The following LOC400499 variants were observed in gnomAD, a reference collection of about 807,000 sequenced individuals.
the LOC400499 span, chr16:11,461,099 C>T: frequency 1.2e-5 from 18 of 1,535,564 alleles, no homozygotes; most frequent in Admixed American, 2.9e-4. Flanking sequence ...CGTCCATTCT[C>T]CTCCTTCCTC....
the LOC400499 span, among the ~76,000 whole-genome samples, chr16:11,490,625 C>G: frequency 1.4e-4 from 22 of 152,136 alleles, no homozygotes; most frequent in Non-Finnish European, 2.8e-4. Context: ...GGCATGAACC[C>G]GGGAGGCAGA....
chr16:11,486,473 G>T, the LOC400499 span, among the ~76,000 whole-genome samples: 6,142 of 135,368 alleles, frequency 0.045, 348 homozygotes, highest in East Asian at 0.23. Flanking sequence ...ACAGATGATG[G>T]GTGGGTAGAT....
At chr16:11,402,082 G>A in the LOC400499 span, 2 of 399,102 alleles carry the variant, frequency 5.0e-6, no homozygotes, top group African/African-American at 2.1e-5. Flanking sequence ...CCCGGTGGCT[G>A]CCTCCCAAAT....
chr16:11,485,175 G>A, the LOC400499 span: 1 of 398,006 alleles, frequency 2.5e-6, no homozygotes. Context: ...GAAGGCTTGA[G>A]CACGGCACTC....
the LOC400499 span, chr16:11,417,927 G>T: frequency 1.0e-2 from 3,967 of 397,942 alleles, 119 homozygotes; most frequent in African/African-American, 0.066. Context: ...CAAACCCTGG[G>T]GTTATCAGTG....
chr16:11,395,620 C>A, the LOC400499 span, among the ~76,000 whole-genome samples: 1 of 152,236 alleles, frequency 6.6e-6, no homozygotes, highest in Non-Finnish European at 1.5e-5. Context: ...GAACTCCCCT[C>A]TCACAAGCAC....
the LOC400499 span, among the ~76,000 whole-genome samples, chr16:11,474,215 T>C: frequency 1.3e-5 from 2 of 152,200 alleles, no homozygotes; most frequent in African/African-American, 2.4e-5. Flanking sequence ...TACTCAGCTC[T>C]GCTGTTGTGG....
the LOC400499 span, chr16:11,396,617 C>T: frequency 1.1e-5 from 14 of 1,232,004 alleles, no homozygotes; most frequent in African/African-American, 4.7e-5. Context: ...CAGGTGGCAG[C>T]GGGAACGCAG....
the LOC400499 span, among the ~76,000 whole-genome samples, chr16:11,502,617 C>CTTT: frequency 1.4e-5 from 2 of 143,186 alleles, no homozygotes; most frequent in African/African-American, 2.6e-5. Flanking sequence ...TATACATACT[C>CTTT]TTTTTTTTTT....
At chr16:11,448,823 A>T in the LOC400499 span, 2 of 1,073,554 alleles carry the variant, frequency 1.9e-6, no homozygotes, top group Non-Finnish European at 2.5e-6. Context: ...AGCCAGTAGC[A>T]CAAAGCCCTT....
chr16:11,476,849 C>G, the LOC400499 span: 1 of 399,552 alleles, frequency 2.5e-6, no homozygotes, highest in Non-Finnish European at 4.4e-6. Context: ...ATCCCGCCAT[C>G]CAGGCTGGCG....
the LOC400499 span, among the ~76,000 whole-genome samples, chr16:11,468,893 C>T: frequency 6.6e-6 from 1 of 152,224 alleles, no homozygotes; most frequent in East Asian, 1.9e-4. Flanking sequence ...TCCCAAAATG[C>T]TGGGATTACA....
chr16:11,405,284 C>T, the LOC400499 span, among the ~76,000 whole-genome samples: 3 of 152,296 alleles, frequency 2.0e-5, no homozygotes, highest in South Asian at 2.1e-4. Context: ...GTTGGTATTG[C>T]GGTTTCTCAA....
At chr16:11,453,324 G>C in the LOC400499 span, among the ~76,000 whole-genome samples, 1 of 152,084 alleles carries the variant, frequency 6.6e-6, no homozygotes, top group African/African-American at 2.4e-5. Context: ...TAATTACCCT[G>C]TTTGAAAACA....
At chr16:11,478,678 C>T in the LOC400499 span, 3 of 399,064 alleles carry the variant, frequency 7.5e-6, no homozygotes, top group Non-Finnish European at 8.8e-6. Flanking sequence ...CCCACGCCTC[C>T]GGGTCACCTG....
At chr16:11,434,620 G>T in the LOC400499 span, among the ~76,000 whole-genome samples, 1 of 152,194 alleles carries the variant, frequency 6.6e-6, no homozygotes, top group Non-Finnish European at 1.5e-5. Context: ...ATTAAGAGGA[G>T]AGCAGCAGAA....
chr16:11,490,145 A>T, the LOC400499 span, among the ~76,000 whole-genome samples: 1 of 152,022 alleles, frequency 6.6e-6, no homozygotes, highest in South Asian at 2.1e-4. Flanking sequence ...CTGTCATCTC[A>T]AGCACTTTGG....
chr16:11,394,964 A>G, the LOC400499 span, among the ~76,000 whole-genome samples: 1 of 152,234 alleles, frequency 6.6e-6, no homozygotes, highest in Non-Finnish European at 1.5e-5. Flanking sequence ...TAGGAATCGA[A>G]TGCAGGGTGC....
the LOC400499 span, among the ~76,000 whole-genome samples, chr16:11,411,959 C>G: frequency 1.3e-5 from 2 of 151,852 alleles, no homozygotes; most frequent in African/African-American, 2.4e-5. Context: ...ATCTCCCAGA[C>G]TCAAGTGATC....
Sources: allele counts gnomAD v4.1 joint callset (sites outside exome capture counted in the v4.1 genomes callset), GRCh38; gene constraint gnomAD v4.1.1; transcripts MANE v1.5.